Variants in NLGN1 observed in about 807,000 individuals in gnomAD.
NLGN1 encodes the protein neuroligin-1.
NLGN1 carries 12 observed loss-of-function variants against 65.5 expected under a neutral mutation model. The ratio of observed to expected loss-of-function variants is 0.18; its 90% CI spans 0.12 to 0.30. NLGN1 has a LOEUF of 0.30. Ranked by LOEUF, NLGN1 falls within the 10% of genes least tolerant of loss-of-function variation. NLGN1 has a pLI of 1.00. For missense variants in NLGN1, 750 were observed against 1,007.1 expected (o/e 0.74, Z 3.46); for synonymous variants, 350 against 359.5 (o/e 0.97, Z 0.30).
chr3:173,641,567 AG>A (rs1310147325), intron 3 of NLGN1, among the ~76,000 whole-genome samples: 1 of 152,210 alleles, frequency 6.6e-6, no homozygotes, highest in Non-Finnish European at 1.5e-5. Context: ...CTGGAATTAT[AG>A]GCATGAGCCA....
At chr3:173,684,001 A>G (rs1764334441) in intron 3 of NLGN1, among the ~76,000 whole-genome samples, 1 of 152,186 alleles carries the variant, frequency 6.6e-6, no homozygotes, top group Admixed American at 6.5e-5. Context: ...TTATATGATT[A>G]TGATTTACAT....
chr3:174,062,725 T>G (rs1456092893), intron 4 of NLGN1, among the ~76,000 whole-genome samples: 1 of 152,034 alleles, frequency 6.6e-6, no homozygotes, highest in Non-Finnish European at 1.5e-5. Flanking sequence ...TTGTTGAAAT[T>G]GCTATCTTTG....
intron 4 of NLGN1, among the ~76,000 whole-genome samples, chr3:174,248,920 C>G (rs1192913808): frequency 6.6e-6 from 1 of 152,210 alleles, no homozygotes; most frequent in Non-Finnish European, 1.5e-5. Flanking sequence ...TCCATCCTGT[C>G]ATCCTCTCCA....
intron 3 of NLGN1, chr3:173,605,554 T>C (rs1168444045): frequency 2.3e-5 from 30 of 1,287,130 alleles, no homozygotes; most frequent in Non-Finnish European, 2.2e-5. Flanking sequence ...ATCCAAGGAA[T>C]GTGCCAGAAA....
At chr3:173,530,571 A>G (rs114070548) in intron 2 of NLGN1, among the ~76,000 whole-genome samples, 3,629 of 152,322 alleles carry the variant, frequency 0.024, 57 homozygotes, top group Middle Eastern at 0.048. Context: ...TGAGTGAATT[A>G]AAAATTTTCA....
intron 2 of NLGN1, among the ~76,000 whole-genome samples, chr3:173,465,720 A>C (rs1422390774): frequency 6.6e-6 from 1 of 152,240 alleles, no homozygotes; most frequent in Non-Finnish European, 1.5e-5. Context: ...TCCTATTGTT[A>C]TATTGAGAGA....
chr3:174,264,995 GGGGGTCA>G (rs1747753911), intron 4 of NLGN1, among the ~76,000 whole-genome samples: 1 of 152,142 alleles, frequency 6.6e-6, no homozygotes, highest in Admixed American at 6.5e-5. Context: ...TAGGCTGCTC[GGGGGTCA>G]GGGGTCAGGG....
At chr3:173,583,559 A>T (rs546246681) in intron 2 of NLGN1, among the ~76,000 whole-genome samples, 2 of 152,244 alleles carry the variant, frequency 1.3e-5, no homozygotes, top group East Asian at 3.9e-4. Context: ...CAGCTACAGA[A>T]CCCCTCACAA....
intron 4 of NLGN1, among the ~76,000 whole-genome samples, chr3:173,843,793 C>A (rs1177146644): frequency 6.6e-6 from 1 of 152,154 alleles, no homozygotes; most frequent in East Asian, 1.9e-4. Context: ...CTTCTGAGCT[C>A]TCCAAACTGT....
intron 3 of NLGN1, among the ~76,000 whole-genome samples, chr3:173,650,058 C>T (rs1489789801): frequency 2.0e-5 from 3 of 151,874 alleles, no homozygotes; most frequent in Non-Finnish European, 4.4e-5. Flanking sequence ...TGTATGTATG[C>T]ATACTTATTT....
intron 3 of NLGN1, among the ~76,000 whole-genome samples, chr3:173,782,473 G>T (rs967291599): frequency 6.6e-6 from 1 of 152,148 alleles, no homozygotes; most frequent in African/African-American, 2.4e-5. Flanking sequence ...CTGATAGTAT[G>T]CTAGTTTTGA....
At chr3:173,815,346 A>T (rs1718823168) in intron 4 of NLGN1, among the ~76,000 whole-genome samples, 1 of 152,046 alleles carries the variant, frequency 6.6e-6, no homozygotes, top group African/African-American at 2.4e-5. Flanking sequence ...TGACCTCGTG[A>T]TCTGCAGGCC....
In NLGN1 at chr3:173,432,150, C is replaced by G. The variant is rs1577425496; in HGVS notation, c.-389-2860C>G. ...CTACTGAAGAACATCTTAGATTCTT[C>G]TAAATTTTGGAAATGATAGATAAAA... is the stretch of plus-strand genomic sequence containing the variant. On this transcript the variant is annotated intron_variant, in intron 1 of 6. Coordinates refer to ENST00000457714, the Ensembl canonical transcript of NLGN1. Among the ~76,000 whole-genome samples, 4 of 152,244 alleles carry G rather than the reference C, an allele frequency of 2.6e-5. No individual in the cohort carries two copies. The East Asian group carries it at 7.7e-4, about 29-fold the overall frequency.
intron 4 of NLGN1, among the ~76,000 whole-genome samples, chr3:174,082,035 T>C (rs1742343616): frequency 6.6e-6 from 1 of 152,200 alleles, no homozygotes; most frequent in African/African-American, 2.4e-5. Context: ...AGATTGATAC[T>C]GAAAAATGTA....
chr3:173,440,363 A>G (rs972202160), intron 2 of NLGN1, among the ~76,000 whole-genome samples: 5 of 152,140 alleles, frequency 3.3e-5, no homozygotes, highest in African/African-American at 1.2e-4. Context: ...GTGAATCACA[A>G]ATGTTCTCAG....
intron 3 of NLGN1, among the ~76,000 whole-genome samples, chr3:173,805,449 A>G (rs796201768): frequency 9.8e-5 from 15 of 152,310 alleles, no homozygotes; most frequent in African/African-American, 3.6e-4. Context: ...AGAAAAATAA[A>G]GAGATACCAC....
intron 2 of NLGN1, among the ~76,000 whole-genome samples, chr3:173,532,188 T>C (rs1015408154): frequency 5.9e-5 from 9 of 152,172 alleles, no homozygotes; most frequent in Non-Finnish European, 1.2e-4. Flanking sequence ...TTAGATATGT[T>C]TAAAAGTCTC....
chr3:173,731,846 T>C (rs1772909934), intron 3 of NLGN1, among the ~76,000 whole-genome samples: 1 of 152,000 alleles, frequency 6.6e-6, no homozygotes, highest in South Asian at 2.1e-4. Flanking sequence ...GTTCAGGAAG[T>C]GGTCAAAAAA....
intron 4 of NLGN1, among the ~76,000 whole-genome samples, chr3:174,014,415 C>G (rs1008515460): frequency 1.3e-5 from 2 of 152,108 alleles, no homozygotes; most frequent in Non-Finnish European, 2.9e-5. Flanking sequence ...ATTGCTTGTT[C>G]CTGTTCTTCA....
Sources: gnomAD v4.1 joint callset for allele counts (sites outside exome capture counted in the v4.1 genomes callset) on GRCh38, gnomAD v4.1.1 for gene constraint, MANE v1.5 for transcripts, NCBI Gene and HGNC (gene_info 2026-07-23, HGNC 2026-07-21) for gene names.